VARS2: variants seen among roughly 807,000 people sequenced by gnomAD.
VARS2 encodes valyl-tRNA synthetase 2, mitochondrial, also known as valine--tRNA ligase, mitochondrial.
Under a neutral mutation model 154.1 loss-of-function variants are expected in VARS2, and 105 were observed. The ratio of observed to expected loss-of-function variants is 0.68; its 90% CI spans 0.58 to 0.80. The LOEUF (loss-of-function observed/expected upper bound fraction) is 0.80. Among genes scored for constraint, VARS2 ranks in the 30% least tolerant of loss-of-function variants. The pLI, the probability that VARS2 is intolerant of heterozygous loss-of-function variation, is 0.00. For missense variants in VARS2, 1,157 were observed against 1,361.4 expected (o/e 0.85, Z 2.36); for synonymous variants, 483 against 539.5 (o/e 0.90, Z 1.45).
Position 30,916,028 on chromosome 6 carries a change from A to G in VARS2, c.554A>G (p.His185Arg), listed in dbSNP as rs1794143489. 1 of 1,614,030 alleles carries G rather than the reference A, an allele frequency of 6.2e-7. No individual in the cohort carries two copies. The highest frequency in any genetic ancestry group is 8.5e-7 in the Non-Finnish European group (1 of 1,179,898). Residue 185 changes from histidine (H) to arginine (R), a missense_variant, in exon 6 of 30, where the codon CAT becomes CGT. His to Arg is a conservative substitution (Grantham distance 29). Coordinates refer to ENST00000676266, the MANE Select transcript of VARS2 (RefSeq NM_020442.6). This position sits in a 1 kb window ranked among gnomAD's most constrained non-coding sequence, Gnocchi z 4.0. ...GTGCTGTGGGTCCCTGGTTCAGATC[A>G]TGCAGGAATTGCTACACAAGTATGT... ...DQVLWVPGSD[H>R]AGIATQAVVE...
chr6:30,925,638 G>T lies in VARS2; in HGVS notation c.2880G>T (p.Leu960=), dbSNP rs1392377579. 1.9e-6 allele frequency: 3 copies of T among 1,611,106 alleles called. No homozygotes were observed. Among genetic ancestry groups the T allele is most frequent in the African/African-American group, 1.3e-5 (1 of 74,992 alleles). The change falls in exon 28 of 30, where the codon CTG becomes CTT. Residue 960 remains leucine, a synonymous_variant. Transcript: ENST00000676266. ...TGGGCTACTGTGGGGCTGTGGGCCT[G>T]TTACCCCCAGGCGCAGCAGCTCCCT... The part of the protein sequence containing the change: ...GTLGYCGAVG[L]LPPGAAAPSG...
chr6:30,923,918 G>C (rs1264295), intron 25 of VARS2: 205,982 of 336,786 alleles, frequency 0.61, 66,198 homozygotes, highest in African/African-American at 0.86. Flanking sequence ...GCTTGTTGAC[G>C]GTGGATCCCC....
At position 30,926,120 on chromosome 6, in the gene VARS2, C is replaced by G. The variant is rs1170392909; in HGVS notation, c.3102C>G (p.Leu1034=). The change falls in exon 30 of 30, where the codon CTC becomes CTG. Residue 1034 remains leucine (L), a synonymous_variant. Transcript: ENST00000676266. ...TTCTCCTCGTCCAGCTTTCTTCCCTCCAGCTGGAATTGTCAAAACTGGACA... is the reference window on the plus strand; with the variant it reads ...TTCTCCTCGTCCAGCTTTCTTCCCTGCAGCTGGAATTGTCAAAACTGGACA... ...GTQRQQKLSS[L]QLELSKLDKA... The G allele has an allele frequency of 1.9e-6, 3 of 1,613,008 alleles. No individual in the cohort carries two copies. Among genetic ancestry groups the G allele is most frequent in the Non-Finnish European group, 2.5e-6 (3 of 1,180,050 alleles).
chr6:30,914,537 C>T (rs891422636), intron 1 of VARS2, 193 bp downstream of exon 1: 3 of 1,344,682 alleles, frequency 2.2e-6, no homozygotes, highest in Admixed American at 3.6e-5. Context: ...CCATCATCTC[C>T]CTGAGTTTCT....
chr6:30,916,726 G>GT lies in VARS2; in HGVS notation c.672-151dup. 1 of 709,052 alleles carries GT rather than the reference G, an allele frequency of 1.4e-6. No homozygotes were observed. The highest frequency in any genetic ancestry group is 2.4e-6 in the Non-Finnish European group (1 of 410,222). The allele number at this position is 709,052 out of a possible 1,614,324, so 43.9% of individuals were successfully genotyped here. A position where few individuals can be genotyped will look rare whatever the true frequency, so the allele number is the denominator to read the frequency against. On this transcript the variant is annotated intron_variant, in intron 7 of 29. Coordinates refer to ENST00000676266, the MANE Select transcript of VARS2 (RefSeq NM_020442.6). This position sits in a 1 kb window ranked among gnomAD's most constrained non-coding sequence, Gnocchi z 4.0. Reference sequence around the variant, plus strand: ...TCTTAGAAAACCCCATACTGGGTTTGTAAGTCCATTTCTATTAGCCTCTAG... The same window carrying GT: ...TCTTAGAAAACCCCATACTGGGTTTGTTAAGTCCATTTCTATTAGCCTCTAG...
At position 30,922,139 on chromosome 6, in the gene VARS2, C is replaced by T; in HGVS notation, c.1830C>T (p.Tyr610=). ...AGACCCCAGACCTTGCTCGTTTCTACCCCCTGTCACTTTTGGAAACGGGCA... is the reference window on the plus strand; with the variant it reads ...AGACCCCAGACCTTGCTCGTTTCTATCCCCTGTCACTTTTGGAAACGGGCA... ...PQETPDLARF[Y]PLSLLETGSD... is the part of the protein sequence containing the mutation. Residue 610 remains tyrosine, a synonymous_variant, in exon 20 of 30, where the codon TAC becomes TAT. Transcript: ENST00000676266. 6.2e-7 allele frequency: 1 copy of T among 1,612,794 alleles called. No homozygotes were observed.
In VARS2 at chr6:30,920,994, C is replaced by T. The variant is rs1391242555; in HGVS notation, c.1480-71C>T. 1 of 1,469,236 alleles carries T rather than the reference C, an allele frequency of 6.8e-7. No homozygotes were observed. The highest frequency in any genetic ancestry group is 1.4e-5 in the African/African-American group (1 of 70,520). 91.0% of individuals were successfully genotyped at this position (1,469,236 alleles called of 1,614,324 possible). A position where few individuals can be genotyped will look rare whatever the true frequency, so the allele number is the denominator to read the frequency against. ...TGAGTTTTAAAATGACCTCAGAGGC[C>T]ACTCGTCCTATCTGTGGAGGTGCGG... is the stretch of plus-strand genomic sequence containing the variant. On this transcript the variant is annotated intron_variant, in intron 15 of 29. Transcript: ENST00000676266. The surrounding 1 kb of genome is among the most constrained non-coding windows in gnomAD (Gnocchi z 4.6).
rs1794544264 is a variant in VARS2, at chr6:30,922,012, G to A, written c.1806+17G>A. On this transcript the variant is annotated intron_variant, in intron 19 of 29. Coordinates refer to ENST00000676266, the MANE Select transcript of VARS2 (RefSeq NM_020442.6). ...CCCCAAGAGGTGAGGTGGGTTGAGAGGGCGAAAGTGAAGGGGAAACGATAA... is the reference window on the plus strand; with the variant it reads ...CCCCAAGAGGTGAGGTGGGTTGAGAAGGCGAAAGTGAAGGGGAAACGATAA... 3 of 1,612,996 alleles carry A rather than the reference G, an allele frequency of 1.9e-6. No homozygotes were observed. Among genetic ancestry groups the A allele is most frequent in the Non-Finnish European group, 2.5e-6 (3 of 1,179,992 alleles).
rs1018514728 is a variant in VARS2 at position 30,920,842 on chromosome 6, C to T, written c.1479+93C>T. ...AAATGGGAAGCAGGAGACCTCCTGC[C>T]CTGAAGACCTCTCCAGCTGTGGTAA... On this transcript the variant is annotated intron_variant, in intron 15 of 29. Coordinates refer to ENST00000676266, the MANE Select transcript of VARS2 (RefSeq NM_020442.6). The surrounding 1 kb of genome is among the most constrained non-coding windows in gnomAD (Gnocchi z 4.6). The T allele has an allele frequency of 1.7e-6, 2 of 1,191,298 alleles. No homozygotes were observed. Among genetic ancestry groups the T allele is most frequent in the Non-Finnish European group, 1.2e-6 (1 of 860,354 alleles). 73.8% of individuals were successfully genotyped at this position (1,191,298 alleles called of 1,614,324 possible). A position where few individuals can be genotyped will look rare whatever the true frequency, so the allele number is the denominator to read the frequency against.
chr6:30,916,472 G>A lies in VARS2; in HGVS notation c.671+223G>A, dbSNP rs1256031270. On this transcript the variant is annotated intron_variant, in intron 7 of 29. Transcript: ENST00000676266. This position sits in a 1 kb window ranked among gnomAD's most constrained non-coding sequence, Gnocchi z 4.0. ...AATATTCGTGTGTGTGTGTGTGTGT[G>A]TGTGTATTTATATATATATATATAT... The A allele has an allele frequency of 2.3e-3, 801 of 354,536 alleles. No individual in the cohort carries two copies. The highest frequency in any genetic ancestry group is 4.4e-3 in the Middle Eastern group (6 of 1,356). The allele number at this position is 354,536 out of a possible 1,614,324, so 22.0% of individuals were successfully genotyped here.
In VARS2 at chr6:30,915,604, C is replaced by T. The variant is rs904838258; in HGVS notation, c.385-142C>T. On this transcript the variant is annotated intron_variant, in intron 4 of 29. Coordinates refer to ENST00000676266, the MANE Select transcript of VARS2 (RefSeq NM_020442.6). ...AAAGATTTCTCTTGGCAGGTTCCCC[C>T]TGGCCAATTCCCTCCTCTCCACTCT... 9 of 1,481,480 alleles carry T rather than the reference C, an allele frequency of 6.1e-6. No individual in the cohort carries two copies. In the Admixed American group the frequency reaches 1.8e-4, roughly 30 times the overall value. The allele number at this position is 1,481,480 out of a possible 1,614,324, so 91.8% of individuals were successfully genotyped here.
At position 30,922,960 on chromosome 6, in the gene VARS2, C is replaced by G; in HGVS notation, c.2169C>G (p.Cys723Trp). The G allele has an allele frequency of 6.2e-7, 1 of 1,610,558 alleles. No individual in the cohort carries two copies. Among genetic ancestry groups the G allele is most frequent in the Non-Finnish European group, 8.5e-7 (1 of 1,178,258 alleles). ...CGTDALRFTL[C>W]SHGVQAGDLH... The stretch of plus-strand genomic sequence containing the variant: ...CAGATGCCCTGAGATTCACACTCTG[C>G]TCCCATGGAGTTCAGGGTAAGCCTG... The change falls in exon 23 of 30, where the codon TGC becomes TGG. Residue 723 changes from cysteine (C) to tryptophan (W), a missense_variant. Cys to Trp is a radical substitution (Grantham distance 215). Transcript: ENST00000676266.
Position 30,915,885 on chromosome 6 carries a change from G to A in VARS2, c.506+18G>A. 6.2e-7 allele frequency: 1 copy of A among 1,614,022 alleles called. No homozygotes were observed. The highest frequency in any genetic ancestry group is 1.1e-5 in the South Asian group (1 of 91,080). On this transcript the variant is annotated intron_variant, in intron 5 of 29. Coordinates refer to ENST00000676266, the MANE Select transcript of VARS2 (RefSeq NM_020442.6). ...GTGCGCTGGTGAGAGGGGAGTGGGG[G>A]CTGCTTGAGTTCTTGGAAGGGAAAT...
At chr6:30,914,594 T>C in intron 1 of VARS2, 2 of 1,252,140 alleles carry the variant, frequency 1.6e-6, no homozygotes, top group East Asian at 2.7e-5. Flanking sequence ...ATCCAGACAC[T>C]CCGGCCCTGT....
Position 30,914,922 on chromosome 6 carries a change from C to T in VARS2, c.86C>T (p.Ser29Phe). Residue 29 changes from serine to phenylalanine, a missense_variant, in exon 2 of 30, where the codon TCT (serine) becomes TTT (phenylalanine). Ser to Phe is a radical substitution (Grantham distance 155). Coordinates refer to ENST00000676266, the MANE Select transcript of VARS2 (RefSeq NM_020442.6). ...GGCCTCCCCAGGTTTCACTCCGTTT[C>T]TACACAGTCGGAGCCCCATGGATCT... Reference protein sequence around the residue: ...SRGLPRFHSVSTQSEPHGSPI... With the variant: ...SRGLPRFHSVFTQSEPHGSPI... 6.2e-7 allele frequency: 1 copy of T among 1,613,092 alleles called. No individual in the cohort carries two copies. Among genetic ancestry groups the T allele is most frequent in the South Asian group, 1.1e-5 (1 of 91,086 alleles).
At position 30,919,158 on chromosome 6, in the gene VARS2, AC is replaced by A. The variant is rs1256249384; in HGVS notation, c.1074+245del. 2.2e-6 allele frequency: 1 copy of A among 462,708 alleles called. No homozygotes were observed. Among genetic ancestry groups the A allele is most frequent in the African/African-American group, 1.9e-5 (1 of 51,416 alleles). The allele number at this position is 462,708 out of a possible 1,614,324, so 28.7% of individuals were successfully genotyped here. A position where few individuals can be genotyped will look rare whatever the true frequency, so the allele number is the denominator to read the frequency against. ...TTTTGAGACAGAGTCTCGCTCTGTC[AC>A]CAAGGCTGGAGGGCAGTGGTGTGAT... On this transcript the variant is annotated intron_variant, in intron 11 of 29. Transcript: ENST00000676266. The surrounding 1 kb of genome is among the most constrained non-coding windows in gnomAD (Gnocchi z 4.5).
rs1405078899 is a variant in VARS2 at position 30,920,708 on chromosome 6, T to C, written c.1438T>C (p.Trp480Arg). 1.2e-6 allele frequency: 2 copies of C among 1,601,168 alleles called. No homozygotes were observed. The highest frequency in any genetic ancestry group is 1.7e-6 in the Non-Finnish European group (2 of 1,174,438). ...DVIEYLLKNQ[W>R]FVRCQEMGAR... ...GATAGAATACCTGCTGAAGAACCAG[T>C]GGTTTGTCCGCTGCCAGGAAATGGG... The change falls in exon 15 of 30, where the codon TGG becomes CGG. Residue 480 changes from tryptophan (W) to arginine (R), a missense_variant. Transcript: ENST00000676266. This position sits in a 1 kb window ranked among gnomAD's most constrained non-coding sequence, Gnocchi z 4.6.
chr6:30,914,535 T>G, intron 1 of VARS2, 191 bp downstream of exon 1: 1 of 1,340,724 alleles, frequency 7.5e-7, no homozygotes, highest in Non-Finnish European at 9.6e-7. Flanking sequence ...GCCCATCATC[T>G]CCCTGAGTTT....
At position 30,915,474 on chromosome 6, in the gene VARS2, G is replaced by A. The variant is rs1001893588; in HGVS notation, c.384+19G>A. 1 of 1,610,782 alleles carries A rather than the reference G, an allele frequency of 6.2e-7. No homozygotes were observed. Among genetic ancestry groups the A allele is most frequent in the African/African-American group, 1.3e-5 (1 of 74,824 alleles). ...ATATCAGGTTAGTATCTGGCAGGGA[G>A]GGGTCCTAAATTGTCTCCAGGACAG... On this transcript the variant is annotated intron_variant, in intron 4 of 29. Transcript: ENST00000676266.
Sources: gnomAD v4.1 joint callset for allele counts on GRCh38, gnomAD v4.1.1 for gene constraint, Gnocchi (gnomAD v3.1) non-coding constraint, MANE v1.5 for transcripts, NCBI Gene and HGNC (gene_info 2026-07-23, HGNC 2026-07-21) for gene names.